MYO10: variants seen among roughly 807,000 people sequenced by gnomAD.
The protein encoded by MYO10 is unconventional myosin-X.
A neutral mutation model predicts 257.3 loss-of-function variants in MYO10; 133 were observed. That is an observed-to-expected ratio of 0.52 (90% CI 0.45 to 0.60). MYO10 has a LOEUF of 0.60. Among genes scored for constraint, MYO10 ranks in the 20% least tolerant of loss-of-function variants. MYO10 has a pLI of 0.00. For synonymous variants in MYO10, 1,104 were observed against 1,028.6 expected, an observed-to-expected ratio of 1.07 and a Z score of -1.40; for missense variants, 2,399 against 2,635.7, an observed-to-expected ratio of 0.91 and a Z score of 1.97.
intron 2 of MYO10, among the ~76,000 whole-genome samples, chr5:16,876,075 T>G (rs950151878): frequency 2.0e-5 from 3 of 152,088 alleles, no homozygotes; most frequent in South Asian, 2.1e-4. Flanking sequence ...ATGGTACCAC[T>G]GCACTCCAGG....
chr5:16,891,924 T>C (rs10051187), intron 1 of MYO10, among the ~76,000 whole-genome samples: 7,966 of 152,248 alleles, frequency 0.052, 720 homozygotes, highest in African/African-American at 0.18. Flanking sequence ...CCTGTACAAA[T>C]GTCTCTAATT....
chr5:16,828,678 TAG>T (rs1743072448), intron 2 of MYO10, among the ~76,000 whole-genome samples: 1 of 141,518 alleles, frequency 7.1e-6, no homozygotes, highest in African/African-American at 2.7e-5. Flanking sequence ...GAGGGCAGGG[TAG>T]AGAGGAGGAA....
chr5:16,900,919 T>A (rs1230883917), intron 1 of MYO10, among the ~76,000 whole-genome samples: 3 of 152,108 alleles, frequency 2.0e-5, no homozygotes, highest in Non-Finnish European at 4.4e-5. Flanking sequence ...TTTATATTTT[T>A]AGTAGAGACG....
intron 1 of MYO10, among the ~76,000 whole-genome samples, chr5:16,920,543 CCAAGGGACTGT>C (rs1401462218): frequency 1.3e-5 from 2 of 151,984 alleles, no homozygotes; most frequent in Admixed American, 6.6e-5. Flanking sequence ...AAAGGTGAGC[CCAAGGGACTGT>C]CATGGAACAG....
At chr5:16,749,293 C>A (rs1436896537) in intron 19 of MYO10, among the ~76,000 whole-genome samples, 1 of 151,982 alleles carries the variant, frequency 6.6e-6, no homozygotes, top group Non-Finnish European at 1.5e-5. Context: ...TTGAGACCAG[C>A]CTGGCCAACA....
In MYO10 at chr5:16,711,102, C is replaced by G; in HGVS notation, c.2054+19G>C. 1.2e-6 allele frequency: 2 copies of G among 1,613,578 alleles called. No individual in the cohort carries two copies. On this transcript the variant is annotated intron_variant, in intron 20 of 40. Transcript: ENST00000513610. ...AACCCCTTTGAAAAGAAAGAGAATCCAATTCAGCTCCCTCTTGCCTTTTGT... is the reference window on the plus strand; with the variant it reads ...AACCCCTTTGAAAAGAAAGAGAATCGAATTCAGCTCCCTCTTGCCTTTTGT...
At chr5:16,894,179 T>C (rs1025376768) in intron 1 of MYO10, among the ~76,000 whole-genome samples, 1 of 152,172 alleles carries the variant, frequency 6.6e-6, no homozygotes, top group African/African-American at 2.4e-5. Flanking sequence ...CACACTTCAT[T>C]CAGAGTTCTC....
rs372360799 is a variant in MYO10, at chr5:16,711,169, C to A, written c.2006G>T (p.Arg669Leu). The change falls in exon 20 of 41, where the codon CGC becomes CTC. Residue 669 changes from arginine (R) to leucine (L), a missense_variant. Transcript: ENST00000513610. ...TCTTCGGACCGCATACCCAGCTTTG[C>A]GGATTCTCACAGTCTCCAGCATCCC... ...YSGMLETVRI[R>L]KAGYAVRRPF... is the part of the protein sequence containing the mutation. The A allele has an allele frequency of 1.1e-5, 18 of 1,613,532 alleles. No individual in the cohort carries two copies. The highest frequency in any genetic ancestry group is 1.4e-5 in the Non-Finnish European group (17 of 1,179,766).
rs1196793203 is a variant in MYO10, at chr5:16,758,146, C to T, written c.1820G>A (p.Arg607Gln). The stretch of plus-strand genomic sequence containing the variant: ...GAACTGTGAGCTGACTGTAGGCCGC[C>T]GATGTTTGCTTCCACATTTCAAGGT... ...QDTLKCGSKH[R>Q]RPTVSSQFKD... Residue 607 changes from arginine (R) to glutamine (Q), a missense_variant, in exon 18 of 41, where the codon CGG becomes CAG. Arg to Gln is a conservative substitution (Grantham distance 43). Coordinates refer to ENST00000513610, the MANE Select transcript of MYO10 (RefSeq NM_012334.3). The T allele has an allele frequency of 1.2e-6, 2 of 1,613,138 alleles. No homozygotes were observed. The highest frequency in any genetic ancestry group is 1.3e-5 in the African/African-American group (1 of 74,978).
At chr5:16,889,862 G>A (rs1265178657) in intron 1 of MYO10, among the ~76,000 whole-genome samples, 1 of 151,688 alleles carries the variant, frequency 6.6e-6, no homozygotes, top group Admixed American at 6.6e-5. Flanking sequence ...CCAGTTTATT[G>A]TCCTTTCCTC....
chr5:16,780,784 C>G, intron 6 of MYO10, 43 bp from the exon 7 acceptor site: 1 of 1,545,316 alleles, frequency 6.5e-7, no homozygotes, highest in Non-Finnish European at 8.8e-7. Flanking sequence ...AAAAACAAAG[C>G]TATGTGCCAT....
intron 3 of MYO10, among the ~76,000 whole-genome samples, chr5:16,797,288 G>GTAAGTATAA (rs1560990283): frequency 6.6e-6 from 1 of 152,138 alleles, no homozygotes; most frequent in Non-Finnish European, 1.5e-5. Flanking sequence ...TGCCCAACTG[G>GTAAGTATAA]TAAGTATAAT....
chr5:16,685,705 G>GCCCCACC, intron 29 of MYO10, 33 bp downstream of exon 29: 1 of 679,702 alleles, frequency 1.5e-6, no homozygotes, highest in Non-Finnish European at 2.4e-6. Context: ...GCCCCTAGAC[G>GCCCCACC]CCCCACCCCC....
intron 19 of MYO10, among the ~76,000 whole-genome samples, chr5:16,711,652 C>T (rs112632073): frequency 2.0e-5 from 3 of 151,938 alleles, no homozygotes; most frequent in African/African-American, 7.2e-5. Flanking sequence ...CGTGGTGGCA[C>T]GCGCCTGTAG....
At chr5:16,684,054 T>C in intron 29 of MYO10, 119 bp from the exon 30 acceptor site, 1 of 877,312 alleles carries the variant, frequency 1.1e-6, no homozygotes, top group South Asian at 1.5e-5. Flanking sequence ...CTTTTTAACT[T>C]CAAAATAATA....
chr5:16,888,161 C>T (rs1404694670), intron 1 of MYO10, among the ~76,000 whole-genome samples: 3 of 152,112 alleles, frequency 2.0e-5, no homozygotes, highest in African/African-American at 7.2e-5. Flanking sequence ...TCCATCCTTC[C>T]ACCAAATATC....
At chr5:16,907,963 T>C (rs1404442992) in intron 1 of MYO10, among the ~76,000 whole-genome samples, 1 of 152,240 alleles carries the variant, frequency 6.6e-6, no homozygotes, top group Non-Finnish European at 1.5e-5. Context: ...CCAGGCTCGG[T>C]GGCTCACGCC....
chr5:16,927,767 G>A (rs1428286047), intron 1 of MYO10, among the ~76,000 whole-genome samples: 1 of 152,208 alleles, frequency 6.6e-6, no homozygotes, highest in Non-Finnish European at 1.5e-5. Flanking sequence ...TATTTCAACA[G>A]ATGTGTTGTG....
intron 19 of MYO10, chr5:16,713,431 A>G: frequency 1.0e-6 from 1 of 985,774 alleles, no homozygotes; most frequent in Non-Finnish European, 1.2e-6. Context: ...CCCACAGCTA[A>G]AGACATGGAA....
Sources: allele counts gnomAD v4.1 joint callset (sites outside exome capture counted in the v4.1 genomes callset), GRCh38; gene constraint gnomAD v4.1.1; transcripts MANE v1.5; gene names NCBI Gene and HGNC (gene_info 2026-07-23, HGNC 2026-07-21).